CTNND2: variants seen among roughly 807,000 people sequenced by gnomAD.
The protein encoded by CTNND2 is catenin delta-2.
Under a neutral mutation model 144.4 loss-of-function variants are expected in CTNND2, and 22 were observed. That is an observed-to-expected ratio of 0.15 (90% CI 0.11 to 0.22). The LOEUF (loss-of-function observed/expected upper bound fraction) is 0.22, where lower values mean the gene tolerates loss of function less well. CTNND2 is among the 10% of genes least tolerant of loss of function. The pLI is 1.00. For missense variants in CTNND2, 1,353 were observed against 1,618.8 expected (o/e 0.84, Z 2.82); for synonymous variants, 751 against 695.6 (o/e 1.08, Z -1.25).
intron 16 of CTNND2, among the ~76,000 whole-genome samples, chr5:11,045,495 C>T: frequency 6.6e-6 from 1 of 152,180 alleles, no homozygotes; most frequent in East Asian, 1.9e-4. Context: ...CCACATACCT[C>T]CCACAAGGCC....
In CTNND2 at chr5:11,430,415, ACTTGATT is replaced by A. The variant is rs572234663; in HGVS notation, c.288-18353_288-18347del. On this transcript the variant is annotated intron_variant, in intron 3 of 21. Coordinates refer to ENST00000304623, the MANE Select transcript of CTNND2 (RefSeq NM_001332.4). ...AAAAATAATGATGTAGGTGAGGATG[ACTTGATT>A]AAAAAAAAAAAAAAAAAGAGCTTAC... Among the ~76,000 whole-genome samples the A allele has an allele frequency of 4.9e-3, 652 of 133,448 alleles. 7 individuals are homozygous for A. Among genetic ancestry groups the A allele is most frequent in the African/African-American group, 0.021 (569 of 26,762 alleles). 87.5% of individuals were successfully genotyped at this position (133,448 alleles called of 152,430 possible).
intron 2 of CTNND2, among the ~76,000 whole-genome samples, chr5:11,630,399 C>G (rs1781356486): frequency 6.6e-6 from 1 of 152,182 alleles, no homozygotes; most frequent in African/African-American, 2.4e-5. Context: ...GATCAGCAAA[C>G]ACTGCAACCA....
rs1581789273 is a variant in CTNND2 at position 11,730,593 on chromosome 5, C to T, written c.174+1543G>A. On this transcript the variant is annotated intron_variant, in intron 2 of 21. Transcript: ENST00000304623. ...CTTGCATTCTCATATATTTATACTT[C>T]CACCGGTCTTTAAAATAGTTTGATC... is the stretch of plus-strand genomic sequence containing the variant. Among the ~76,000 whole-genome samples, 3 of 152,280 alleles carry T rather than the reference C, an allele frequency of 2.0e-5. No homozygotes were observed. In the East Asian group the frequency reaches 5.8e-4, roughly 29 times the overall value.
intron 2 of CTNND2, among the ~76,000 whole-genome samples, chr5:11,580,215 T>C (rs946070796): frequency 6.6e-6 from 1 of 152,190 alleles, no homozygotes; most frequent in African/African-American, 2.4e-5. Flanking sequence ...ACCATTATTA[T>C]AACTGTTATT....
intron 2 of CTNND2, among the ~76,000 whole-genome samples, chr5:11,654,176 T>C (rs997117037): frequency 1.3e-5 from 2 of 152,100 alleles, no homozygotes; most frequent in African/African-American, 4.8e-5. Context: ...TCAGGTAGTA[T>C]GATGCCTCCA....
chr5:11,255,263 T>C (rs1580721485), intron 9 of CTNND2, among the ~76,000 whole-genome samples: 1 of 152,324 alleles, frequency 6.6e-6, no homozygotes, highest in Non-Finnish European at 1.5e-5. Flanking sequence ...AAAATGTCCA[T>C]GCATCTCAGT....
intron 12 of CTNND2, among the ~76,000 whole-genome samples, chr5:11,129,315 T>A (rs1238749434): frequency 7.7e-5 from 6 of 77,810 alleles, no homozygotes; most frequent in East Asian, 7.5e-4. Context: ...TATATATAAA[T>A]ATATATAATA....
intron 2 of CTNND2, among the ~76,000 whole-genome samples, chr5:11,718,036 A>G (rs1362912053): frequency 6.6e-6 from 1 of 152,206 alleles, no homozygotes; most frequent in Non-Finnish European, 1.5e-5. Flanking sequence ...CTTGAAATGA[A>G]TTTCGCACAT....
At chr5:11,341,662 A>G (rs1428142843) in intron 9 of CTNND2, among the ~76,000 whole-genome samples, 1 of 152,196 alleles carries the variant, frequency 6.6e-6, no homozygotes, top group Non-Finnish European at 1.5e-5. Flanking sequence ...GTTACATAAT[A>G]CTGTTTAAAC....
At chr5:11,371,321 T>C (rs1183078576) in intron 7 of CTNND2, among the ~76,000 whole-genome samples, 3 of 152,230 alleles carry the variant, frequency 2.0e-5, no homozygotes, top group Non-Finnish European at 2.9e-5. Flanking sequence ...CTTTGAGATA[T>C]ACAAAAACTA....
chr5:11,823,458 T>TA (rs1287520793), intron 1 of CTNND2, among the ~76,000 whole-genome samples: 1 of 152,194 alleles, frequency 6.6e-6, no homozygotes, highest in African/African-American at 2.4e-5. Context: ...CAGCCACTGT[T>TA]ACAAAAACAC....
intron 9 of CTNND2, among the ~76,000 whole-genome samples, chr5:11,301,316 C>A (rs535799340): frequency 6.6e-6 from 1 of 152,230 alleles, no homozygotes; most frequent in South Asian, 2.1e-4. Context: ...CGCGCCCGGC[C>A]CCCATCTGCT....
At chr5:11,670,683 T>TG (rs60811503) in intron 2 of CTNND2, among the ~76,000 whole-genome samples, 38,806 of 152,006 alleles carry the variant, frequency 0.26, 8,753 homozygotes, top group African/African-American at 0.61. Context: ...CCATATGAGA[T>TG]GGTCTCCTGA....
In CTNND2 at chr5:11,391,821, G is replaced by A. The variant is rs532161083; in HGVS notation, c.612+5210C>T. On this transcript the variant is annotated intron_variant, in intron 6 of 21. Transcript: ENST00000304623. ...CCACTGGGATCATTACTGTTGGTGA[G>A]AAAAGAAGGGCTGGGTTTACCTGGT... Among the ~76,000 whole-genome samples, 11 of 152,312 alleles carry A rather than the reference G, an allele frequency of 7.2e-5. No homozygotes were observed. The East Asian group carries it at 2.1e-3, about 29-fold the overall frequency.
chr5:11,413,761 A>G (rs1761720896), intron 3 of CTNND2, among the ~76,000 whole-genome samples: 1 of 152,164 alleles, frequency 6.6e-6, no homozygotes, highest in South Asian at 2.1e-4. Context: ...ATCATCCATT[A>G]TTAATTTAGG....
At position 11,397,137 on chromosome 5, in the gene CTNND2, G is replaced by A. The variant is rs745751289; in HGVS notation, c.506C>T (p.Pro169Leu). ...GGTCTGGTTGCTATGGTAGCTGGCC[G>A]GATACTGGAAAGACCCTTCAGGTTT... ...NSKPEGSFQY[P>L]ASYHSNQTLA... Residue 169 changes from proline (P) to leucine (L), a missense_variant, in exon 6 of 22, where the codon CCG becomes CTG. Pro to Leu is a moderately conservative substitution (Grantham distance 98). This residue lies in a region of CTNND2 where 708 missense variants were observed against 706.4 expected (regional missense o/e 1.00). Transcript: ENST00000304623. 37 of 1,614,066 alleles carry A rather than the reference G, an allele frequency of 2.3e-5. No individual in the cohort carries two copies. Among genetic ancestry groups the A allele is most frequent in the South Asian group, 7.7e-5 (7 of 91,086 alleles).
At chr5:11,723,449 A>T (rs1051910947) in intron 2 of CTNND2, among the ~76,000 whole-genome samples, 1 of 152,188 alleles carries the variant, frequency 6.6e-6, no homozygotes, top group African/African-American at 2.4e-5. Flanking sequence ...AGGCAGCCCA[A>T]ATGGAAGATC....
chr5:11,894,968 C>T (rs1450999234), intron 1 of CTNND2, among the ~76,000 whole-genome samples: 1 of 152,066 alleles, frequency 6.6e-6, no homozygotes, highest in Non-Finnish European at 1.5e-5. Flanking sequence ...GATAGATTAC[C>T]AGTATGGGGT....
chr5:11,653,070 C>CGTGTGTGTGTGT (rs58056553), intron 2 of CTNND2, among the ~76,000 whole-genome samples: 6 of 143,592 alleles, frequency 4.2e-5, no homozygotes, highest in African/African-American at 1.6e-4. Flanking sequence ...GAACAAAATT[C>CGTGTGTGTGTGT]GTGTGTGTGT....
Sources: gnomAD v4.1 joint callset for allele counts (sites outside exome capture counted in the v4.1 genomes callset) on GRCh38, gnomAD v4.1.1 for gene constraint, gnomAD v4.1.1 regional missense constraint, MANE v1.5 for transcripts, NCBI Gene and HGNC (gene_info 2026-07-23, HGNC 2026-07-21) for gene names.